The following RBFOX1 variants were observed in gnomAD, a reference collection of about 807,000 sequenced individuals.
The protein encoded by RBFOX1 is RNA binding protein fox-1 homolog 1.
Under a neutral mutation model 57.7 loss-of-function variants are expected in RBFOX1, and 8 were observed. The observed-to-expected ratio is 0.14, with a 90% CI of 0.08 to 0.25. RBFOX1 has a LOEUF of 0.25. Ranked by LOEUF, RBFOX1 falls within the 10% of genes least tolerant of loss-of-function variation. The pLI is 1.00. For missense variants in RBFOX1, 611 were observed against 548.5 expected (o/e 1.11, Z -1.14); for synonymous variants, 326 against 222.4 (o/e 1.47, Z -4.15).
rs140794160 is a variant in RBFOX1 at position 6,968,666 on chromosome 16, C to T, written c.-15-83391C>T. Among the ~76,000 whole-genome samples, 903 of 152,212 alleles carry T rather than the reference C, an allele frequency of 5.9e-3. 10 individuals are homozygous for T. Among genetic ancestry groups the T allele is most frequent in the African/African-American group, 0.02 (828 of 41,536 alleles). ...CACCATCCCACAGGACTCGAGGAAG[C>T]CCACAAGGTGCTGGCCTCCCATCGA... On this transcript the variant is annotated intron_variant, in intron 3 of 15. Transcript: ENST00000550418.
intron 4 of RBFOX1, among the ~76,000 whole-genome samples, chr16:5,873,843 A>T (rs1488203726): frequency 1.3e-5 from 2 of 152,198 alleles, no homozygotes; most frequent in Non-Finnish European, 2.9e-5. Flanking sequence ...AGGAGGTAGT[A>T]TGCAGACTGG....
At chr16:7,120,229 G>A (rs533301816) in intron 4 of RBFOX1, among the ~76,000 whole-genome samples, 1 of 151,872 alleles carries the variant, frequency 6.6e-6, no homozygotes, top group Non-Finnish European at 1.5e-5. Flanking sequence ...TTCTATTAGA[G>A]AATAAGAACG....
chr16:6,021,293 C>T (rs2095071132), intron 1 of RBFOX1, among the ~76,000 whole-genome samples: 1 of 152,158 alleles, frequency 6.6e-6, no homozygotes. Context: ...GCCATCCCTT[C>T]CCTGCCCCCT....
At chr16:7,094,559 T>C (rs2061375585) in intron 4 of RBFOX1, among the ~76,000 whole-genome samples, 1 of 152,174 alleles carries the variant, frequency 6.6e-6, no homozygotes, top group Admixed American at 6.5e-5. Context: ...GAAGTCAGAC[T>C]GTCAAATCCT....
intron 3 of RBFOX1, among the ~76,000 whole-genome samples, chr16:5,775,647 T>C (rs544426919): frequency 1.3e-5 from 2 of 152,294 alleles, no homozygotes; most frequent in Admixed American, 6.5e-5. Context: ...GAACATGGCC[T>C]CAGTGCCACT....
intron 14 of RBFOX1, among the ~76,000 whole-genome samples, chr16:7,707,714 TTATG>T (rs2082936769): frequency 6.6e-6 from 1 of 152,112 alleles, no homozygotes; most frequent in African/African-American, 2.4e-5. Flanking sequence ...TGCCGAAAAC[TTATG>T]TAGGCATTAA....
At chr16:5,766,640 A>G (rs1416830252) in intron 3 of RBFOX1, among the ~76,000 whole-genome samples, 1 of 152,140 alleles carries the variant, frequency 6.6e-6, no homozygotes, top group Non-Finnish European at 1.5e-5. Context: ...CTTACTCACT[A>G]CCATGAGGAC....
intron 1 of RBFOX1, among the ~76,000 whole-genome samples, chr16:6,287,052 C>T (rs2076975231): frequency 1.3e-5 from 2 of 151,978 alleles, no homozygotes; most frequent in South Asian, 4.1e-4. Context: ...TTGAGTTGGG[C>T]TGGGTATAAA....
chr16:7,677,132 T>TACACACAC (rs59379802), intron 14 of RBFOX1, among the ~76,000 whole-genome samples: 2,299 of 137,898 alleles, frequency 0.017, 60 homozygotes, highest in Middle Eastern at 0.055. Flanking sequence ...CACATACACA[T>TACACACAC]ACACACACAC....
At chr16:7,209,944 A>T (rs954485336) in intron 4 of RBFOX1, among the ~76,000 whole-genome samples, 1 of 152,192 alleles carries the variant, frequency 6.6e-6, no homozygotes, top group East Asian at 1.9e-4. Context: ...TAGGCAGGCA[A>T]AATGAAAGCT....
intron 4 of RBFOX1, among the ~76,000 whole-genome samples, chr16:7,353,318 G>C (rs762660231): frequency 6.6e-6 from 1 of 152,164 alleles, no homozygotes; most frequent in Non-Finnish European, 1.5e-5. Flanking sequence ...AGCAAGAAGT[G>C]TCAGCAAAGA....
At chr16:7,170,930 T>C (rs1183924272) in intron 4 of RBFOX1, among the ~76,000 whole-genome samples, 1 of 152,200 alleles carries the variant, frequency 6.6e-6, no homozygotes, top group East Asian at 1.9e-4. Flanking sequence ...GGTCTGTCTT[T>C]TATGACTTTA....
rs1349749991 is a variant in RBFOX1 at position 5,993,343 on chromosome 16, G to GTGTA, written c.351+126011_351+126012insATGT. Reference sequence around the variant, plus strand: ...CTGCCTATTTGATAATGCTGTACGTGTGTGTGTGTGTGTGTGTGTGTGTGT... The same window carrying GTGTA: ...CTGCCTATTTGATAATGCTGTACGTGTGTATGTGTGTGTGTGTGTGTGTGTGTGT... On this transcript the variant is annotated intron_variant, in intron 4 of 19. Coordinates refer to the RBFOX1 transcript ENST00000641259. Among the ~76,000 whole-genome samples the GTGTA allele has an allele frequency of 9.6e-3, 108 of 11,254 alleles. 2 individuals carry two copies. Among genetic ancestry groups the GTGTA allele is most frequent in the Admixed American group, 0.076 (107 of 1,414 alleles). 7.4% of individuals were successfully genotyped at this position (11,254 alleles called of 152,430 possible).
intron 2 of RBFOX1, chr16:5,467,339 T>C: frequency 7.5e-7 from 1 of 1,324,620 alleles, no homozygotes; most frequent in Non-Finnish European, 1.0e-6. Flanking sequence ...GTCACAGCCC[T>C]GCAACTTCAC....
intron 4 of RBFOX1, among the ~76,000 whole-genome samples, chr16:7,196,360 T>C (rs548538254): frequency 2.0e-5 from 3 of 152,286 alleles, no homozygotes; most frequent in African/African-American, 7.2e-5. Flanking sequence ...CCCACCCTGC[T>C]TCACTCCCCC....
At chr16:6,781,079 C>G (rs1396567915) in intron 3 of RBFOX1, among the ~76,000 whole-genome samples, 5 of 152,146 alleles carry the variant, frequency 3.3e-5, no homozygotes, top group Non-Finnish European at 7.3e-5. Flanking sequence ...ACACCCATGT[C>G]TGGAAGCATT....
chr16:6,204,648 TC>T (rs1164326293), intron 1 of RBFOX1, among the ~76,000 whole-genome samples: 1 of 152,154 alleles, frequency 6.6e-6, no homozygotes, highest in African/African-American at 2.4e-5. Context: ...ATATACAGTG[TC>T]CTTAAAATGA....
chr16:6,486,547 A>G (rs2095486356), intron 2 of RBFOX1, among the ~76,000 whole-genome samples: 1 of 152,142 alleles, frequency 6.6e-6, no homozygotes, highest in Non-Finnish European at 1.5e-5. Context: ...CTTGGAAAGT[A>G]ATTCTGTTGG....
chr16:6,369,663 A>C (rs2090152060), intron 2 of RBFOX1, among the ~76,000 whole-genome samples: 1 of 152,090 alleles, frequency 6.6e-6, no homozygotes, highest in Non-Finnish European at 1.5e-5. Context: ...CCTCCAACCT[A>C]TACCTCATGT....
Sources: gnomAD v4.1 joint callset for allele counts (sites outside exome capture counted in the v4.1 genomes callset) on GRCh38, gnomAD v4.1.1 for gene constraint, MANE v1.5 for transcripts, NCBI Gene and HGNC (gene_info 2026-07-23, HGNC 2026-07-21) for gene names.